Variants in PTPRJ observed in about 807,000 individuals in gnomAD.
The protein encoded by PTPRJ is receptor-type tyrosine-protein phosphatase eta.
A neutral mutation model predicts 141.3 loss-of-function variants in PTPRJ; 129 were observed. The observed-to-expected ratio is 0.91, with a 90% confidence interval of 0.79 to 1.06. The LOEUF is 1.06. Among genes scored for constraint, PTPRJ ranks in the 50% least tolerant of loss-of-function variants. The pLI is 0.00. For missense variants in PTPRJ, 1,601 were observed against 1,679.7 expected (o/e 0.95, Z 0.82); for synonymous variants, 610 against 640.5 (o/e 0.95, Z 0.72).
intron 1 of PTPRJ, among the ~76,000 whole-genome samples, chr11:48,095,965 T>C (rs1855993862): frequency 6.6e-6 from 1 of 152,142 alleles, no homozygotes; most frequent in South Asian, 2.1e-4. Flanking sequence ...CATGAATATG[T>C]GGAAACTGAC....
At position 48,169,066 on chromosome 11, in the gene PTPRJ, C is replaced by T. The variant is rs1857994666; in HGVS notation, c.*1704C>T. On this transcript the variant is annotated 3_prime_UTR_variant, in exon 25 of 25. Transcript: ENST00000418331. ...TCCCTCCTGACTCTGCCACGCCCCT[C>T]ACCTCACTGGCACTTCGATAACTGA... 1 of 152,300 alleles carries T rather than the reference C, an allele frequency of 6.6e-6. No homozygotes were observed. Among genetic ancestry groups the T allele is most frequent in the East Asian group, 1.9e-4 (1 of 5,172 alleles). 9.4% of individuals were successfully genotyped at this position (152,300 alleles called of 1,614,324 possible). A position where few individuals can be genotyped will look rare whatever the true frequency, so the allele number is the denominator to read the frequency against.
At chr11:47,999,581 C>T (rs868567017) in intron 1 of PTPRJ, among the ~76,000 whole-genome samples, 1 of 152,152 alleles carries the variant, frequency 6.6e-6, no homozygotes. Context: ...GTTGGAGGCT[C>T]CCTCCCCAGA....
intron 1 of PTPRJ, among the ~76,000 whole-genome samples, chr11:47,983,022 C>T (rs1362916491): frequency 3.3e-5 from 5 of 152,060 alleles, no homozygotes; most frequent in Non-Finnish European, 5.9e-5. Flanking sequence ...CATTTTTGAG[C>T]TGGACCAGAC....
intron 1 of PTPRJ, among the ~76,000 whole-genome samples, chr11:47,993,417 TG>T (rs1854247618): frequency 6.6e-6 from 1 of 152,086 alleles, no homozygotes; most frequent in Non-Finnish European, 1.5e-5. Flanking sequence ...CTCAGCCTCC[TG>T]AGAAGCTGGG....
intron 24 of PTPRJ, among the ~76,000 whole-genome samples, chr11:48,165,923 C>A (rs1429789311): frequency 6.6e-6 from 1 of 151,014 alleles, no homozygotes; most frequent in African/African-American, 2.4e-5. Flanking sequence ...TGCAGTGGTG[C>A]GATCTCGGCT....
intron 1 of PTPRJ, among the ~76,000 whole-genome samples, chr11:47,984,704 G>A (rs1461518772): frequency 2.0e-5 from 3 of 150,574 alleles, no homozygotes; most frequent in Non-Finnish European, 1.5e-5. Flanking sequence ...GATTACAGGC[G>A]TATGCCGCCA....
chr11:48,051,840 A>C (rs570949678), intron 1 of PTPRJ, among the ~76,000 whole-genome samples: 1 of 152,196 alleles, frequency 6.6e-6, no homozygotes, highest in Non-Finnish European at 1.5e-5. Context: ...AGCTTCTTCT[A>C]TGACTTTGAG....
intron 1 of PTPRJ, among the ~76,000 whole-genome samples, chr11:48,058,439 C>T: frequency 6.6e-6 from 1 of 152,068 alleles, no homozygotes; most frequent in Non-Finnish European, 1.5e-5. Context: ...TTGAGAACTC[C>T]TGGCCTCAAG....
intron 1 of PTPRJ, among the ~76,000 whole-genome samples, chr11:48,045,409 T>G (rs1854367046): frequency 6.6e-6 from 1 of 152,148 alleles, no homozygotes; most frequent in Admixed American, 6.5e-5. Flanking sequence ...AGAGACATCC[T>G]TCAAGATTGA....
At chr11:48,057,223 C>A (rs1854779918) in intron 1 of PTPRJ, among the ~76,000 whole-genome samples, 1 of 152,152 alleles carries the variant, frequency 6.6e-6, no homozygotes, top group Non-Finnish European at 1.5e-5. Context: ...GCTTAGGCAT[C>A]ATTTGCTAAT....
At chr11:48,161,909 G>A (rs1044511066) in intron 22 of PTPRJ, among the ~76,000 whole-genome samples, 2 of 152,034 alleles carry the variant, frequency 1.3e-5, no homozygotes, top group Non-Finnish European at 2.9e-5. Flanking sequence ...CACTGTGCCC[G>A]GCCTGTCATG....
chr11:48,152,910 G>T (rs1168578733), intron 18 of PTPRJ, among the ~76,000 whole-genome samples: 2 of 152,166 alleles, frequency 1.3e-5, no homozygotes, highest in Non-Finnish European at 2.9e-5. Context: ...GGCAGTGCAG[G>T]CTTGTAAAGA....
chr11:48,111,333 T>TA (rs1312195210), intron 2 of PTPRJ, among the ~76,000 whole-genome samples: 1 of 141,122 alleles, frequency 7.1e-6, no homozygotes, highest in Non-Finnish European at 1.5e-5. Flanking sequence ...GGTAGTTTTT[T>TA]AAAAAATGTA....
chr11:48,093,305 G>A (rs1026133278), intron 1 of PTPRJ, among the ~76,000 whole-genome samples: 1 of 152,220 alleles, frequency 6.6e-6, no homozygotes. Context: ...GAGAGTGTAA[G>A]TGAGTAAACT....
At chr11:48,012,652 G>A (rs1366043296) in intron 1 of PTPRJ, among the ~76,000 whole-genome samples, 1 of 152,144 alleles carries the variant, frequency 6.6e-6, no homozygotes, top group Non-Finnish European at 1.5e-5. Context: ...GAGTCCTCCA[G>A]GGTGAGCCCC....
chr11:48,075,107 A>G (rs909391921), intron 1 of PTPRJ, among the ~76,000 whole-genome samples: 4 of 151,928 alleles, frequency 2.6e-5, no homozygotes, highest in African/African-American at 9.7e-5. Flanking sequence ...GTTAACAACT[A>G]GCAGTTACAT....
chr11:48,006,514 G>T (rs1016574500), intron 1 of PTPRJ, among the ~76,000 whole-genome samples: 1 of 152,164 alleles, frequency 6.6e-6, no homozygotes, highest in African/African-American at 2.4e-5. Flanking sequence ...CAGTGAGCTG[G>T]TTATAATCCA....
chr11:48,048,565 G>A (rs758244313), intron 1 of PTPRJ, among the ~76,000 whole-genome samples: 3 of 152,202 alleles, frequency 2.0e-5, no homozygotes, highest in East Asian at 1.9e-4. Flanking sequence ...AGGCTGAGGC[G>A]GGCAGATCAC....
intron 1 of PTPRJ, among the ~76,000 whole-genome samples, chr11:48,101,148 G>A (rs1473091110): frequency 6.6e-6 from 1 of 152,280 alleles, no homozygotes; most frequent in South Asian, 2.1e-4. Context: ...AGCCCCTACT[G>A]TGTGCTGCTA....
Sources: gnomAD v4.1 joint callset for allele counts (sites outside exome capture counted in the v4.1 genomes callset) on GRCh38, gnomAD v4.1.1 for gene constraint, MANE v1.5 for transcripts, NCBI Gene and HGNC (gene_info 2026-07-23, HGNC 2026-07-21) for gene names.